The following FARS2 variants were observed in gnomAD, a reference collection of about 807,000 sequenced individuals.
FARS2 encodes phenylalanyl-tRNA synthetase 2, mitochondrial, also known as phenylalanine--tRNA ligase, mitochondrial.
Under a neutral mutation model 46.4 loss-of-function variants are expected in FARS2, and 40 were observed. The ratio of observed to expected loss-of-function variants is 0.86; its 90% CI spans 0.67 to 1.12. FARS2 has a LOEUF of 1.12. FARS2 is among the 50% of genes most tolerant of loss of function. The pLI is 0.00. For synonymous variants in FARS2, 234 were observed against 214.9 expected, an observed-to-expected ratio of 1.09 and a Z score of -0.78; for missense variants, 513 against 567.9, an observed-to-expected ratio of 0.90 and a Z score of 0.98.
the FARS2 span, among the ~76,000 whole-genome samples, chr6:5,255,235 T>G: frequency 1.3e-5 from 2 of 152,340 alleles, no homozygotes; most frequent in South Asian, 2.1e-4. Flanking sequence ...ACTATTTTCA[T>G]AGTTATCAGG....
At chr6:5,480,768 C>T (rs2150341314) in intron 4 of FARS2, among the ~76,000 whole-genome samples, 1 of 152,314 alleles carries the variant, frequency 6.6e-6, no homozygotes, top group African/African-American at 2.4e-5. Context: ...TAGGTGGCTT[C>T]TTTTCTGACT....
intron 2 of FARS2, among the ~76,000 whole-genome samples, chr6:5,395,484 TC>T (rs1232257509): frequency 1.3e-5 from 2 of 152,190 alleles, no homozygotes; most frequent in Non-Finnish European, 2.9e-5. Flanking sequence ...CTGGCCCTGA[TC>T]AGTTATTTAT....
At chr6:5,770,635 A>G (rs1225845233) in intron 6 of FARS2, among the ~76,000 whole-genome samples, 1 of 152,214 alleles carries the variant, frequency 6.6e-6, no homozygotes, top group Admixed American at 6.5e-5. Context: ...AGCACCTGCC[A>G]TGCAAATAGA....
chr6:5,268,538 G>T (rs182572644), intron 1 of FARS2, among the ~76,000 whole-genome samples: 2 of 152,150 alleles, frequency 1.3e-5, no homozygotes, highest in South Asian at 4.1e-4. Flanking sequence ...ATTTCTGAGG[G>T]CTCTGTTCTG....
intron 6 of FARS2, among the ~76,000 whole-genome samples, chr6:5,726,931 G>C (rs1760304569): frequency 6.6e-6 from 1 of 152,212 alleles, no homozygotes; most frequent in African/African-American, 2.4e-5. Flanking sequence ...GCTGAAAGTA[G>C]CATCCTTAGG....
rs532096060 is a variant in FARS2, at chr6:5,568,198, A to G, written c.1065+22858A>G. ...ATTTTCTTTCACTCTGTCTCTTGTC[A>G]CTCTTGTAATATGCGGTTCTGATTC... On this transcript the variant is annotated intron_variant, in intron 5 of 6. Transcript: ENST00000274680. 3.5e-4 allele frequency among the ~76,000 whole-genome samples: 53 copies of G among 151,420 alleles called. 1 individual carries two copies. In the South Asian group the frequency reaches 0.011, roughly 32 times the overall value.
chr6:5,586,700 G>T (rs187723482), intron 5 of FARS2, among the ~76,000 whole-genome samples: 14 of 152,126 alleles, frequency 9.2e-5, no homozygotes, highest in African/African-American at 2.9e-4. Flanking sequence ...TTAGGAATGA[G>T]ATAATGCTTG....
intron 1 of FARS2, among the ~76,000 whole-genome samples, chr6:5,269,259 G>A (rs1765773487): frequency 6.6e-6 from 1 of 150,886 alleles, no homozygotes; most frequent in Non-Finnish European, 1.5e-5. Flanking sequence ...AACACCGCAT[G>A]TTCTCACTCA....
chr6:5,732,763 C>T lies in FARS2; in HGVS notation c.1218-38528C>T, dbSNP rs530299072. 2.6e-4 allele frequency among the ~76,000 whole-genome samples: 40 copies of T among 152,130 alleles called. No homozygotes were observed. In the South Asian group the frequency reaches 8.3e-3, roughly 32 times the overall value. Reference sequence around the variant, plus strand: ...CTCCTAGTGAGTCTCCTCTTCGCTTCCCTCTTTCTTTTTTCCACCAGAGAT... The same window carrying T: ...CTCCTAGTGAGTCTCCTCTTCGCTTTCCTCTTTCTTTTTTCCACCAGAGAT... On this transcript the variant is annotated intron_variant, in intron 6 of 6. Transcript: ENST00000274680.
intron 5 of FARS2, among the ~76,000 whole-genome samples, chr6:5,585,153 A>C (rs1686966169): frequency 6.6e-6 from 1 of 152,054 alleles, no homozygotes; most frequent in Non-Finnish European, 1.5e-5. Flanking sequence ...TCATATTTCT[A>C]TTTTGCTGGT....
chr6:5,368,541 T>A lies in FARS2; in HGVS notation c.-21-9T>A. On this transcript the variant is annotated splice_polypyrimidine_tract_variant and intron_variant, in intron 1 of 6. Coordinates refer to ENST00000274680, the MANE Select transcript of FARS2 (RefSeq NM_006567.5). ...CCTGACTTGTGCTTTGCCTGTGTGCTCTTTCCAGAACCTGTGAGAAGTTTC... is the reference window on the plus strand; with the variant it reads ...CCTGACTTGTGCTTTGCCTGTGTGCACTTTCCAGAACCTGTGAGAAGTTTC... The A allele has an allele frequency of 6.3e-7, 1 of 1,575,518 alleles. No individual in the cohort carries two copies. Among genetic ancestry groups the A allele is most frequent in the Non-Finnish European group, 8.6e-7 (1 of 1,159,372 alleles).
chr6:5,580,778 C>T (rs2150580010), intron 5 of FARS2, among the ~76,000 whole-genome samples: 1 of 152,312 alleles, frequency 6.6e-6, no homozygotes, highest in East Asian at 1.9e-4. Flanking sequence ...AGGCAGCACC[C>T]TTCCCAGTCC....
At chr6:5,709,723 G>GTT (rs1759008795) in intron 6 of FARS2, among the ~76,000 whole-genome samples, 1 of 91,460 alleles carries the variant, frequency 1.1e-5, no homozygotes, top group African/African-American at 4.2e-5. Context: ...TGTTGGGGGG[G>GTT]GTGGGGTTGT....
rs141835648 is a variant in FARS2 at position 5,325,256 on chromosome 6, C to T, written c.-21-43294C>T. 3.1e-3 allele frequency among the ~76,000 whole-genome samples: 470 copies of T among 152,302 alleles called. 2 individuals are homozygous for T. The highest frequency in any genetic ancestry group is 5.6e-3 in the Non-Finnish European group (381 of 68,018). ...AAAGGATAGAGGAACTGCTGACATC[C>T]TGTGAGCCAGAGCACCTGAAGGAAA... On this transcript the variant is annotated intron_variant, in intron 1 of 6. Coordinates refer to ENST00000274680, the MANE Select transcript of FARS2 (RefSeq NM_006567.5).
chr6:5,314,155 G>A (rs964055641), intron 1 of FARS2, among the ~76,000 whole-genome samples: 7 of 152,214 alleles, frequency 4.6e-5, no homozygotes, highest in African/African-American at 1.7e-4. Context: ...TTGCTTTGGT[G>A]AAAATGGATC....
intron 4 of FARS2, among the ~76,000 whole-genome samples, chr6:5,439,089 A>G (rs1439318600): frequency 1.3e-5 from 2 of 152,092 alleles, no homozygotes; most frequent in Non-Finnish European, 2.9e-5. Context: ...GCAGCGATTC[A>G]GTTCTCAGTG....
intron 4 of FARS2, chr6:5,458,126 G>A (rs1582165524): frequency 6.5e-6 from 1 of 153,126 alleles, no homozygotes; most frequent in Non-Finnish European, 1.5e-5. Context: ...CCATGGCCAA[G>A]TCCCCTTGGC....
In FARS2 at chr6:5,709,417, T is replaced by A. The variant is rs182741461; in HGVS notation, c.1218-61874T>A. Among the ~76,000 whole-genome samples, 252 of 152,292 alleles carry A rather than the reference T, an allele frequency of 1.7e-3. 1 individual carries two copies. Among genetic ancestry groups the A allele is most frequent in the African/African-American group, 5.3e-3 (220 of 41,562 alleles). The stretch of plus-strand genomic sequence containing the variant: ...TTGGTGATGGCTTTGTGGTTCTTAC[T>A]GCAAACTACAGGTAAATCTGCCAGT... On this transcript the variant is annotated intron_variant, in intron 6 of 6. Transcript: ENST00000274680.
chr6:5,440,257 T>C (rs758210388), intron 4 of FARS2, among the ~76,000 whole-genome samples: 2 of 152,178 alleles, frequency 1.3e-5, no homozygotes, highest in Non-Finnish European at 2.9e-5. Flanking sequence ...ATAGAAGTTA[T>C]ATATATATTT....
Sources: allele counts gnomAD v4.1 joint callset (sites outside exome capture counted in the v4.1 genomes callset), GRCh38; gene constraint gnomAD v4.1.1; transcripts MANE v1.5; gene names NCBI Gene and HGNC (gene_info 2026-07-23, HGNC 2026-07-21).